Variants in PECAM1 observed in about 807,000 individuals in gnomAD.
The protein encoded by PECAM1 is platelet endothelial cell adhesion molecule.
PECAM1 carries 8 observed loss-of-function variants against 13.8 expected under a neutral mutation model. The ratio of observed to expected loss-of-function variants is 0.58; its 90% CI spans 0.34 to 1.05. The LOEUF (loss-of-function observed/expected upper bound fraction) is 1.05. Among genes scored for constraint, PECAM1 ranks in the 50% least tolerant of loss-of-function variants. The pLI is 0.03. For missense variants in PECAM1, 304 were observed against 141.2 expected, an observed-to-expected ratio of 2.15 and a Z score of -5.84; for synonymous variants, 136 against 52.6, an observed-to-expected ratio of 2.58 and a Z score of -6.86.
At chr17:64,351,169 C>T (rs986416983) in intron 11 of PECAM1, among the ~76,000 whole-genome samples, 28 of 152,124 alleles carry the variant, frequency 1.8e-4, no homozygotes, top group African/African-American at 5.3e-4. Context: ...TGAGCCACCG[C>T]GCCCAGCCTA....
chr17:64,374,618 T>C (rs2036316102), intron 4 of PECAM1, among the ~76,000 whole-genome samples: 1 of 151,986 alleles, frequency 6.6e-6, no homozygotes, highest in East Asian at 1.9e-4. Context: ...ACCCCATCTC[T>C]ACTAAAGATA....
In PECAM1 at chr17:64,320,693, GTGACTCT is replaced by G. The variant is rs1421982114; in HGVS notation, c.*3116_*3122del. The G allele has an allele frequency of 6.6e-6, 1 of 152,444 alleles. No homozygotes were observed. Among genetic ancestry groups the G allele is most frequent in the East Asian group, 1.9e-4 (1 of 5,194 alleles). The allele number at this position is 152,444 out of a possible 1,614,324, so 9.4% of individuals were successfully genotyped here. The stretch of plus-strand genomic sequence containing the variant: ...TACCTTCCAGGAGGACAGCTGCCAT[GTGACTCT>G]TGTAATCTTCCCACCGCCAACACCC... On this transcript the variant is annotated 3_prime_UTR_variant, in exon 16 of 16. Transcript: ENST00000563924.
intron 3 of PECAM1, 148 bp from the exon 4 acceptor site, chr17:64,375,504 G>A (rs1402136230): frequency 2.5e-6 from 1 of 397,552 alleles, no homozygotes; most frequent in Admixed American, 4.4e-5. Flanking sequence ...TGAACACCCA[G>A]TGCGACCTAC....
chr17:64,371,533 TTAAAA>T (rs1339723067), intron 4 of PECAM1, among the ~76,000 whole-genome samples: 33 of 151,922 alleles, frequency 2.2e-4, no homozygotes, highest in Non-Finnish European at 4.7e-4. Context: ...AAAATATTTT[TTAAAA>T]TAAAATAAAG....
At chr17:64,345,904 G>A (rs1251256314) in intron 13 of PECAM1, among the ~76,000 whole-genome samples, 1 of 152,018 alleles carries the variant, frequency 6.6e-6, no homozygotes, top group South Asian at 2.1e-4. Context: ...GCTCTACGGG[G>A]CATCCCTGTA....
At chr17:64,333,476 G>A (rs1253714767) in intron 14 of PECAM1, among the ~76,000 whole-genome samples, 1 of 152,072 alleles carries the variant, frequency 6.6e-6, no homozygotes, top group African/African-American at 2.4e-5. Flanking sequence ...GGAGGGGGCT[G>A]TCCTGTGCAT....
chr17:64,337,831 G>A (rs1338466603), intron 14 of PECAM1, among the ~76,000 whole-genome samples: 2 of 151,916 alleles, frequency 1.3e-5, no homozygotes, highest in Non-Finnish European at 2.9e-5. Flanking sequence ...TTGGCATAAG[G>A]ATTGTTTTGA....
At chr17:64,329,919 T>A (rs1011498671) in intron 14 of PECAM1, among the ~76,000 whole-genome samples, 197 bp from the exon 15 acceptor site, 2 of 152,126 alleles carry the variant, frequency 1.3e-5, no homozygotes, top group Admixed American at 6.5e-5. Flanking sequence ...TAGCTCCACA[T>A]GACATGCGCA....
intron 11 of PECAM1, among the ~76,000 whole-genome samples, chr17:64,351,158 G>A (rs974327189): frequency 1.3e-4 from 20 of 152,080 alleles, no homozygotes; most frequent in African/African-American, 2.9e-4. Context: ...GATTACAGGC[G>A]TGAGCCACCG....
intron 13 of PECAM1, among the ~76,000 whole-genome samples, chr17:64,345,000 G>C (rs1342893174): frequency 6.6e-6 from 1 of 152,182 alleles, no homozygotes; most frequent in Non-Finnish European, 1.5e-5. Flanking sequence ...CAATCCTGGA[G>C]GGTCTCGATA....
intron 2 of PECAM1, among the ~76,000 whole-genome samples, chr17:64,388,871 T>G (rs908497779): frequency 6.6e-6 from 1 of 152,142 alleles, no homozygotes; most frequent in African/African-American, 2.4e-5. Context: ...TTTCACTGTT[T>G]TGGCCAGGCT....
chr17:64,359,000 G>A (rs2035911391), intron 7 of PECAM1, among the ~76,000 whole-genome samples: 1 of 152,062 alleles, frequency 6.6e-6, no homozygotes, highest in Non-Finnish European at 1.5e-5. Flanking sequence ...ATTTCACCAT[G>A]TTGGCCAGGC....
At position 64,390,834 on chromosome 17, in the gene PECAM1, A is replaced by T; in HGVS notation, c.-169T>A. Reference sequence around the variant, plus strand: ...AGAGAGACCGGCTGTGGCGCTGGTCAGGTAATGGCAGCCATGGCTGGAAAC... The same window carrying T: ...AGAGAGACCGGCTGTGGCGCTGGTCTGGTAATGGCAGCCATGGCTGGAAAC... On this transcript the variant is annotated 5_prime_UTR_variant, in exon 1 of 16. An upstream open reading frame in the 5' UTR loses its in-frame stop. Coordinates refer to ENST00000563924, the MANE Select transcript of PECAM1 (RefSeq NM_000442.5). The T allele has an allele frequency of 2.5e-6, 1 of 396,992 alleles. No homozygotes were observed. The highest frequency in any genetic ancestry group is 4.4e-6 in the Non-Finnish European group (1 of 225,542). The allele number at this position is 396,992 out of a possible 1,614,324, so 24.6% of individuals were successfully genotyped here.
At chr17:64,367,138 G>C (rs1257498888) in intron 5 of PECAM1, among the ~76,000 whole-genome samples, 1 of 151,984 alleles carries the variant, frequency 6.6e-6, no homozygotes, top group Non-Finnish European at 1.5e-5. Flanking sequence ...GGTTCTCTCT[G>C]TGGCGGGCCC....
Position 64,322,247 on chromosome 17 carries a change from G to A in PECAM1, c.*1569C>T, listed in dbSNP as rs1348478068. 22 of 369,636 alleles carry A rather than the reference G, an allele frequency of 6.0e-5. No individual in the cohort carries two copies. The highest frequency in any genetic ancestry group is 6.6e-5 in the African/African-American group (3 of 45,264). The allele number at this position is 369,636 out of a possible 1,614,324, so 22.9% of individuals were successfully genotyped here. A position where few individuals can be genotyped will look rare whatever the true frequency, so the allele number is the denominator to read the frequency against. On this transcript the variant is annotated 3_prime_UTR_variant, in exon 16 of 16. Transcript: ENST00000563924. The stretch of plus-strand genomic sequence containing the variant: ...CTAAAAATACAAAAATTAGCCAGGC[G>A]TGGTGACATGTGCCTGTAATCCCAG...
In PECAM1 at chr17:64,323,435, T is replaced by TA; in HGVS notation, c.*380dup. 8.7e-7 allele frequency: 1 copy of TA among 1,151,780 alleles called. No homozygotes were observed. 71.3% of individuals were successfully genotyped at this position (1,151,780 alleles called of 1,614,324 possible). On this transcript the variant is annotated 3_prime_UTR_variant, in exon 16 of 16. Transcript: ENST00000563924. The stretch of plus-strand genomic sequence containing the variant: ...GCCATGCGCTAGAAATGATTGAGTA[T>TA]AAAAAAGAAAATTGGTTTCTGTGTA...
intron 14 of PECAM1, among the ~76,000 whole-genome samples, chr17:64,341,312 C>T (rs1224138828): frequency 6.6e-6 from 1 of 151,976 alleles, no homozygotes; most frequent in Non-Finnish European, 1.5e-5. Flanking sequence ...GCTGAAGCTA[C>T]TGGGGGTCTC....
chr17:64,324,440 A>C (rs1415574435), intron 15 of PECAM1, among the ~76,000 whole-genome samples: 4 of 152,132 alleles, frequency 2.6e-5, no homozygotes, highest in Non-Finnish European at 4.4e-5. Flanking sequence ...CCCTGCATAC[A>C]TGTTGGACAT....
chr17:64,349,210 C>A (rs1405806839), intron 12 of PECAM1, among the ~76,000 whole-genome samples: 1 of 152,126 alleles, frequency 6.6e-6, no homozygotes, highest in African/African-American at 2.4e-5. Flanking sequence ...GTCTTCAAGT[C>A]AAAAATAACA....
Sources: allele counts gnomAD v4.1 joint callset (sites outside exome capture counted in the v4.1 genomes callset), GRCh38; gene constraint gnomAD v4.1.1; transcripts MANE v1.5; gene names NCBI Gene and HGNC (gene_info 2026-07-23, HGNC 2026-07-21).